PEAK1: variants seen among roughly 807,000 people sequenced by gnomAD.
PEAK1 encodes the protein inactive tyrosine-protein kinase PEAK1.
In PEAK1, 54 loss-of-function variants were observed where a neutral mutation model predicts 124.7. The ratio of observed to expected loss-of-function variants is 0.43; its 90% CI spans 0.35 to 0.54. PEAK1 has a LOEUF of 0.54. Among genes scored for constraint, PEAK1 ranks in the 20% least tolerant of loss-of-function variants. The pLI, the probability that PEAK1 is intolerant of heterozygous loss-of-function variation, is 0.01. For missense variants in PEAK1, 2,046 were observed against 2,134.5 expected (o/e 0.96, Z 0.82); for synonymous variants, 719 against 760.0 (o/e 0.95, Z 0.89).
intron 8 of PEAK1, chr15:77,155,349 G>C (rs1279391219): frequency 6.6e-6 from 1 of 152,100 alleles, no homozygotes; most frequent in Non-Finnish European, 1.5e-5. Context: ...CTCCTTTAAG[G>C]ACTTCTCTGC....
intron 2 of PEAK1, chr15:77,337,089 A>T: frequency 2.1e-6 from 2 of 975,140 alleles, no homozygotes; most frequent in Non-Finnish European, 2.4e-6. Context: ...AGAAGACAAC[A>T]AAGTAACCAA....
chr15:77,221,234 G>A (rs530475805), intron 6 of PEAK1, among the ~76,000 whole-genome samples: 62 of 152,134 alleles, frequency 4.1e-4, no homozygotes, highest in South Asian at 1.5e-3. Context: ...CATCTATCAC[G>A]TGGTCAGTCA....
Position 77,179,086 on chromosome 15 carries a change from T to G in PEAK1, c.2841A>C (p.Arg947=), listed in dbSNP as rs779378445. 6 of 1,614,184 alleles carry G rather than the reference T, an allele frequency of 3.7e-6. No homozygotes were observed. The Admixed American group carries it at 1.0e-4, about 27-fold the overall frequency. The change falls in exon 7 of 10, where the codon CGA becomes CGC. Residue 947 remains arginine (R), a synonymous_variant. Transcript: ENST00000682557. ...CCAGGCCCACCAGTTTCCCTTTCTC[T>G]CGCTCTTTCTCTTTGTCATCCTCCT... The part of the protein sequence containing the change: ...TDEEDDKEKE[R]EKGKLVGLDG...
chr15:77,332,595 G>A (rs2065958264), intron 2 of PEAK1, among the ~76,000 whole-genome samples: 1 of 151,204 alleles, frequency 6.6e-6, no homozygotes. Flanking sequence ...GCAAGACTGA[G>A]TCTCAAAAAA....
At chr15:77,228,775 C>T (rs1053016837) in intron 6 of PEAK1, among the ~76,000 whole-genome samples, 16 of 152,106 alleles carry the variant, frequency 1.1e-4, no homozygotes, top group African/African-American at 3.9e-4. Flanking sequence ...ATACTTTGTT[C>T]AACAGTAAAA....
Position 77,240,454 on chromosome 15 carries a change from C to T in PEAK1, c.-115+11913G>A, listed in dbSNP as rs140308594. Among the ~76,000 whole-genome samples, 723 of 151,440 alleles carry T rather than the reference C, an allele frequency of 4.8e-3. 4 individuals are homozygous for T. Among genetic ancestry groups the T allele is most frequent in the African/African-American group, 0.016 (672 of 41,276 alleles). On this transcript the variant is annotated intron_variant, in intron 6 of 9. Coordinates refer to ENST00000682557, the MANE Select transcript of PEAK1 (RefSeq NM_001385026.1). ...GGGCAACACAGGAAGTCCGTCTCTA[C>T]AAAAAATAAAAAAAAATGAGCCTGG...
At chr15:77,159,682 G>A (rs1386637275) in intron 7 of PEAK1, among the ~76,000 whole-genome samples, 3 of 152,294 alleles carry the variant, frequency 2.0e-5, no homozygotes, top group East Asian at 1.9e-4. Context: ...ATGATTACAG[G>A]TTATTTGTGG....
chr15:77,252,535 GA>G lies in PEAK1; in HGVS notation c.-274-10del, dbSNP rs949202997. Reference sequence around the variant, plus strand: ...GAAGATAGCAATGTTTACTGCAAGAGAAAAAAAATAGAGCAAAACTGGAGAG... The same window carrying G: ...GAAGATAGCAATGTTTACTGCAAGAGAAAAAAATAGAGCAAAACTGGAGAG... On this transcript the variant is annotated splice_polypyrimidine_tract_variant and intron_variant, in intron 5 of 9. Transcript: ENST00000682557. 31 of 981,236 alleles carry G rather than the reference GA, an allele frequency of 3.2e-5. No individual in the cohort carries two copies. The Admixed American group carries it at 1.1e-3, about 33-fold the overall frequency. 60.8% of individuals were successfully genotyped at this position (981,236 alleles called of 1,614,324 possible).
At chr15:77,105,363 C>CGCAT (rs552069288), downstream of PEAK1, 1 of 151,286 alleles carries the variant, frequency 6.6e-6, no homozygotes, top group African/African-American at 2.5e-5. Context: ...TGTGTGCGCG[C>CGCAT]GTGCGCGCAC....
At chr15:77,258,744 C>T (rs1005083739) in intron 5 of PEAK1, among the ~76,000 whole-genome samples, 1 of 152,212 alleles carries the variant, frequency 6.6e-6, no homozygotes, top group Admixed American at 6.5e-5. Flanking sequence ...TTGCCCTGGC[C>T]AGAACTTCCA....
intron 6 of PEAK1, among the ~76,000 whole-genome samples, chr15:77,251,318 T>G (rs916813597): frequency 6.6e-6 from 1 of 152,226 alleles, no homozygotes; most frequent in Non-Finnish European, 1.5e-5. Flanking sequence ...TCAAATAGTA[T>G]TTTCAATTTC....
chr15:77,221,493 A>C (rs1254008602), intron 6 of PEAK1, among the ~76,000 whole-genome samples: 1 of 152,092 alleles, frequency 6.6e-6, no homozygotes, highest in Non-Finnish European at 1.5e-5. Flanking sequence ...AAGTGAGACA[A>C]ATGATAGTAT....
At chr15:77,209,065 C>T (rs533539458) in intron 6 of PEAK1, among the ~76,000 whole-genome samples, 1 of 152,200 alleles carries the variant, frequency 6.6e-6, no homozygotes, top group Admixed American at 6.5e-5. Context: ...ATAGATTCAA[C>T]TACTTACTGG....
chr15:77,153,195 A>G (rs968249041), intron 8 of PEAK1, among the ~76,000 whole-genome samples: 7 of 152,094 alleles, frequency 4.6e-5, no homozygotes, highest in Non-Finnish European at 8.8e-5. Context: ...CAGAGATTCA[A>G]CTTCTTCCTG....
chr15:77,217,695 A>G (rs1273712671), intron 6 of PEAK1, among the ~76,000 whole-genome samples: 2 of 152,214 alleles, frequency 1.3e-5, no homozygotes, highest in Non-Finnish European at 2.9e-5. Flanking sequence ...ATGTGGTTAA[A>G]TCCCCAGGAC....
At position 77,306,862 on chromosome 15, in the gene PEAK1, T is replaced by C. The variant is rs149060819; in HGVS notation, c.-602-20358A>G. ...CATTACCTCACAGAATAAGGCTTTT[T>C]ATTAAATTTGCTGTCTTTCCACTAT... On this transcript the variant is annotated intron_variant, in intron 2 of 9. Coordinates refer to ENST00000682557, the MANE Select transcript of PEAK1 (RefSeq NM_001385026.1). 3.5e-3 allele frequency among the ~76,000 whole-genome samples: 526 copies of C among 152,278 alleles called. 1 individual carries two copies. The highest frequency in any genetic ancestry group is 0.012 in the African/African-American group (499 of 41,582).
At chr15:77,378,270 G>A (rs1032404377) in intron 1 of PEAK1, among the ~76,000 whole-genome samples, 4 of 150,174 alleles carry the variant, frequency 2.7e-5, no homozygotes, top group South Asian at 2.1e-4. Context: ...CTGTAAAAAG[G>A]CCAACCACAT....
At chr15:77,280,898 T>C (rs1003765794) in intron 5 of PEAK1, among the ~76,000 whole-genome samples, 1 of 152,188 alleles carries the variant, frequency 6.6e-6, no homozygotes, top group African/African-American at 2.4e-5. Context: ...GTGGCTCACA[T>C]CTGTAATCCC....
At chr15:77,276,698 C>T (rs973540805) in intron 5 of PEAK1, among the ~76,000 whole-genome samples, 1 of 152,022 alleles carries the variant, frequency 6.6e-6, no homozygotes, top group African/African-American at 2.4e-5. Context: ...CAACAGATTC[C>T]TATTCCACTT....
Sources: gnomAD v4.1 joint callset for allele counts (sites outside exome capture counted in the v4.1 genomes callset) on GRCh38, gnomAD v4.1.1 for gene constraint, MANE v1.5 for transcripts, NCBI Gene and HGNC (gene_info 2026-07-23, HGNC 2026-07-21) for gene names.